The following DACH1 variants were observed in gnomAD, a reference collection of about 807,000 sequenced individuals.
DACH1 encodes dachshund homolog 1.
Under a neutral mutation model 54.2 loss-of-function variants are expected in DACH1, and 12 were observed. The observed-to-expected ratio is 0.22, with a 90% CI of 0.14 to 0.36. The LOEUF (loss-of-function observed/expected upper bound fraction) is 0.36, where lower values mean the gene tolerates loss of function less well. Among genes scored for constraint, DACH1 ranks in the 10% least tolerant of loss-of-function variants. DACH1 has a pLI of 1.00. For synonymous variants in DACH1, 386 were observed against 366.2 expected (o/e 1.05, Z -0.62); for missense variants, 805 against 929.8 (o/e 0.87, Z 1.75).
At chr13:71,447,215 A>G (rs1390002399) in intron 10 of DACH1, among the ~76,000 whole-genome samples, 1 of 152,194 alleles carries the variant, frequency 6.6e-6, no homozygotes, top group Non-Finnish European at 1.5e-5. Flanking sequence ...AAAAACTTGT[A>G]AATTATTTGT....
In DACH1 at chr13:71,621,247, T is replaced by TGGTG. The variant is rs374628896; in HGVS notation, c.1126+9305_1126+9308dup. Among the ~76,000 whole-genome samples the TGGTG allele has an allele frequency of 3.5e-3, 536 of 152,148 alleles. 1 individual carries two copies. Among genetic ancestry groups the TGGTG allele is most frequent in the Middle Eastern group, 0.017 (5 of 294 alleles). ...TATCAACAGCTTGAAGTGACAGGAA[T>TGGTG]GGTGATTCAATCCTGCATCCCCACA... On this transcript the variant is annotated intron_variant, in intron 3 of 10. Coordinates refer to ENST00000613252, the MANE Select transcript of DACH1 (RefSeq NM_080759.6).
At chr13:71,655,440 G>A (rs912065299) in intron 2 of DACH1, among the ~76,000 whole-genome samples, 183 of 149,500 alleles carry the variant, frequency 1.2e-3, no homozygotes, top group African/African-American at 4.3e-3. Flanking sequence ...TAGGGATCTC[G>A]GCTCACCGCA....
At chr13:71,496,300 TATATATAC>T (rs1296095682) in intron 6 of DACH1, among the ~76,000 whole-genome samples, 21 of 114,500 alleles carry the variant, frequency 1.8e-4, no homozygotes, top group African/African-American at 6.2e-4. Flanking sequence ...TATATATATA[TATATATAC>T]ACACACAAAA....
chr13:71,689,421 T>C (rs542126797), intron 1 of DACH1, among the ~76,000 whole-genome samples: 1 of 152,272 alleles, frequency 6.6e-6, no homozygotes, highest in East Asian at 1.9e-4. Context: ...CAGGTGATCA[T>C]CTAACTTGAA....
intron 6 of DACH1, among the ~76,000 whole-genome samples, chr13:71,517,052 T>A (rs1217973718): frequency 1.3e-5 from 2 of 151,794 alleles, no homozygotes. Context: ...TCAACTTATA[T>A]TCATCTTTTG....
chr13:71,834,998 G>A (rs1310624338), intron 1 of DACH1, among the ~76,000 whole-genome samples: 4 of 151,956 alleles, frequency 2.6e-5, no homozygotes, highest in African/African-American at 9.7e-5. Flanking sequence ...GCTCAGCCCA[G>A]GAATTTGCCA....
chr13:71,499,232 T>A (rs1338382768), intron 6 of DACH1, among the ~76,000 whole-genome samples: 4 of 151,964 alleles, frequency 2.6e-5, no homozygotes, highest in Admixed American at 6.6e-5. Context: ...ATGCAAGAAC[T>A]GGCATAGCTT....
intron 2 of DACH1, among the ~76,000 whole-genome samples, chr13:71,645,611 G>T (rs1412022711): frequency 1.3e-5 from 2 of 152,156 alleles, no homozygotes. Flanking sequence ...AATAAGGAAA[G>T]ATCAAGGGAA....
At chr13:71,739,730 G>A (rs189909987) in intron 1 of DACH1, among the ~76,000 whole-genome samples, 1 of 152,290 alleles carries the variant, frequency 6.6e-6, no homozygotes, top group Non-Finnish European at 1.5e-5. Flanking sequence ...TAGCTGGCCA[G>A]TAAGAAGTGG....
rs1323093608 is a variant in DACH1 at position 71,520,632 on chromosome 13, CTA to C, written c.1571-31486_1571-31485del. Among the ~76,000 whole-genome samples the C allele has an allele frequency of 4.6e-5, 7 of 151,234 alleles. No individual in the cohort carries two copies. The East Asian group carries it at 1.4e-3, about 29-fold the overall frequency. On this transcript the variant is annotated intron_variant, in intron 6 of 10. Coordinates refer to ENST00000613252, the MANE Select transcript of DACH1 (RefSeq NM_080759.6). ...AGATTGAACTATACACACAAAAAAACTATGTTATACAATTATAGACAATTACA... is the reference window on the plus strand; with the variant it reads ...AGATTGAACTATACACACAAAAAAACTGTTATACAATTATAGACAATTACA...
chr13:71,783,160 G>A (rs918068124), intron 1 of DACH1, among the ~76,000 whole-genome samples: 1 of 152,146 alleles, frequency 6.6e-6, no homozygotes, highest in Non-Finnish European at 1.5e-5. Context: ...TCACCAGAAA[G>A]ATTATGACAT....
chr13:71,777,533 A>G (rs565522550), intron 1 of DACH1, among the ~76,000 whole-genome samples: 303 of 152,254 alleles, frequency 2.0e-3, no homozygotes, highest in Non-Finnish European at 3.6e-3. Flanking sequence ...GCATTATCCT[A>G]GCTTGCTTTT....
rs766495712 is a variant in DACH1, at chr13:71,828,574, A to G, written c.848+37348T>C. On this transcript the variant is annotated intron_variant, in intron 1 of 10. Transcript: ENST00000613252. ...AGCATGTATTCAACCATGAAACATT[A>G]GCGTAAGCATAATGTGCCATCTCTA... is the stretch of plus-strand genomic sequence containing the variant. 5.9e-4 allele frequency among the ~76,000 whole-genome samples: 89 copies of G among 152,060 alleles called. 1 individual carries two copies. The highest frequency in any genetic ancestry group is 1.3e-4 in the Non-Finnish European group (9 of 67,968).
At chr13:71,783,591 C>T (rs1317350622) in intron 1 of DACH1, among the ~76,000 whole-genome samples, 1 of 151,972 alleles carries the variant, frequency 6.6e-6, no homozygotes, top group East Asian at 1.9e-4. Context: ...CGATAACCAA[C>T]GATACCTGCC....
intron 10 of DACH1, among the ~76,000 whole-genome samples, chr13:71,451,999 CAG>C (rs1165490818): frequency 6.6e-6 from 1 of 152,114 alleles, no homozygotes; most frequent in Non-Finnish European, 1.5e-5. Flanking sequence ...ATTATATAGA[CAG>C]AGAAAATGCT....
chr13:71,455,929 A>C (rs1333355404), intron 10 of DACH1, among the ~76,000 whole-genome samples: 1 of 152,172 alleles, frequency 6.6e-6, no homozygotes, highest in Non-Finnish European at 1.5e-5. Flanking sequence ...AAGATCAACA[A>C]ACTGGTCACA....
At chr13:71,790,626 CCAAA>C (rs1886795394) in intron 1 of DACH1, among the ~76,000 whole-genome samples, 1 of 152,062 alleles carries the variant, frequency 6.6e-6, no homozygotes, top group Non-Finnish European at 1.5e-5. Context: ...ATGAGAGCTA[CCAAA>C]AAGTTTACTT....
Position 71,454,086 on chromosome 13 carries a change from C to A in DACH1, c.2084-13394G>T, listed in dbSNP as rs376782550. Among the ~76,000 whole-genome samples, 160 of 152,138 alleles carry A rather than the reference C, an allele frequency of 1.1e-3. 1 individual carries two copies. Among genetic ancestry groups the A allele is most frequent in the African/African-American group, 3.8e-3 (158 of 41,530 alleles). On this transcript the variant is annotated intron_variant, in intron 10 of 10. Coordinates refer to ENST00000613252, the MANE Select transcript of DACH1 (RefSeq NM_080759.6). Reference sequence around the variant, plus strand: ...GCAAGAAGCACATTGACAGAAATATCATAACTAAAGGAAGAATATGAGAAT... The same window carrying A: ...GCAAGAAGCACATTGACAGAAATATAATAACTAAAGGAAGAATATGAGAAT...
Position 71,572,884 on chromosome 13 carries a change from G to C in DACH1, c.1255C>G (p.Gln419Glu), listed in dbSNP as rs1443039712. 7 of 1,613,942 alleles carry C rather than the reference G, an allele frequency of 4.3e-6. No individual in the cohort carries two copies. The highest frequency in any genetic ancestry group is 5.9e-6 in the Non-Finnish European group (7 of 1,179,892). The change falls in exon 4 of 11, where the codon CAA becomes GAA. Residue 419 changes from glutamine (Q) to glutamate (E), a missense_variant. Physicochemically the swap from Gln to Glu is conservative, Grantham distance 29. Coordinates refer to ENST00000613252, the MANE Select transcript of DACH1 (RefSeq NM_080759.6). Reference protein sequence around the residue: ...STIANMAAAAQVQSPPSRVET... With the variant: ...STIANMAAAAEVQSPPSRVET... ...ACTCTGGATGGGGGACTCTGAACTT[G>C]TGCTGCTGCTGCCATATTTGCAATG...
Sources: allele counts gnomAD v4.1 joint callset (sites outside exome capture counted in the v4.1 genomes callset), GRCh38; gene constraint gnomAD v4.1.1; transcripts MANE v1.5; gene names NCBI Gene and HGNC (gene_info 2026-07-23, HGNC 2026-07-21).